The following TTC9 variants were observed in gnomAD, a reference collection of about 807,000 sequenced individuals.
TTC9 encodes the protein tetratricopeptide repeat domain 9.
TTC9 carries 13 observed loss-of-function variants against 22.9 expected under a neutral mutation model. The observed-to-expected ratio is 0.57, with a 90% CI of 0.37 to 0.90. TTC9 has a LOEUF of 0.90. Among genes scored for constraint, TTC9 ranks in the 40% least tolerant of loss-of-function variants. The pLI, the probability that TTC9 is intolerant of heterozygous loss-of-function variation, is 0.01. For synonymous variants in TTC9, 148 were observed against 133.2 expected (o/e 1.11, Z -0.77); for missense variants, 280 against 291.8 (o/e 0.96, Z 0.29).
At position 70,642,277 on chromosome 14, in the gene TTC9, C is replaced by T. The variant is rs1885825849; in HGVS notation, c.148C>T (p.Pro50Ser). 5 of 1,505,440 alleles carry T rather than the reference C, an allele frequency of 3.3e-6. No individual in the cohort carries two copies. Among genetic ancestry groups the T allele is most frequent in the East Asian group, 2.9e-5 (1 of 34,552 alleles). The allele number at this position is 1,505,440 out of a possible 1,614,324, so 93.3% of individuals were successfully genotyped here. A position where few individuals can be genotyped will look rare whatever the true frequency, so the allele number is the denominator to read the frequency against. ...ARGQVGAAAE[P>S]AELIRRAHEF... ...GGGCCAGGTCGGGGCGGCGGCCGAG[C>T]CGGCCGAGCTCATCCGACGAGCGCA... The change falls in exon 1 of 3, where the codon CCG becomes TCG. Residue 50 changes from proline (P) to serine (S), a missense_variant. Physicochemically the swap from Pro to Ser is moderately conservative, Grantham distance 74 (BLOSUM62 -1). Transcript: ENST00000256367.
At chr14:70,655,378 C>T (rs2139644315) in intron 1 of TTC9, among the ~76,000 whole-genome samples, 1 of 149,532 alleles carries the variant, frequency 6.7e-6, no homozygotes, top group South Asian at 2.1e-4. Context: ...GTCGCTTGGG[C>T]GACAGAGCGA....
chr14:70,652,356 TAC>T (rs1566696846), intron 1 of TTC9, among the ~76,000 whole-genome samples: 1 of 152,246 alleles, frequency 6.6e-6, no homozygotes, highest in African/African-American at 2.4e-5. Context: ...CCTTGGATGA[TAC>T]AGTCAGGCAC....
At chr14:70,652,871 TCCCATGAGTG>T (rs1306508494) in intron 1 of TTC9, among the ~76,000 whole-genome samples, 1 of 152,108 alleles carries the variant, frequency 6.6e-6, no homozygotes, top group African/African-American at 2.4e-5. Flanking sequence ...GAGGGGGGTA[TCCCATGAGTG>T]CCCATGAGGA....
intron 2 of TTC9, among the ~76,000 whole-genome samples, 165 bp downstream of exon 2, chr14:70,667,911 G>A (rs2139650994): frequency 6.6e-6 from 1 of 152,264 alleles, no homozygotes; most frequent in East Asian, 1.9e-4. Flanking sequence ...CACAGCCCAT[G>A]CATTTGCCTA....
chr14:70,659,531 C>A (rs1002832565), intron 1 of TTC9, among the ~76,000 whole-genome samples: 1 of 152,048 alleles, frequency 6.6e-6, no homozygotes, highest in East Asian at 1.9e-4. Context: ...AAAAAGCAGC[C>A]GCAGCAGGAG....
Position 70,673,173 on chromosome 14 carries a change from A to G in TTC9, c.*2018A>G, listed in dbSNP as rs1464020371. On this transcript the variant is annotated 3_prime_UTR_variant, in exon 3 of 3. Transcript: ENST00000256367. ...TATCTCAACAACTCACCTAGCATTC[A>G]TCACCCATCCCCAGCATTGGGAAAG... 1.3e-5 allele frequency: 2 copies of G among 152,214 alleles called. No homozygotes were observed. Among genetic ancestry groups the G allele is most frequent in the African/African-American group, 4.8e-5 (2 of 41,426 alleles). 9.4% of individuals were successfully genotyped at this position (152,214 alleles called of 1,614,324 possible).
At chr14:70,666,041 C>T (rs1446234481) in intron 1 of TTC9, among the ~76,000 whole-genome samples, 1 of 151,980 alleles carries the variant, frequency 6.6e-6, no homozygotes, top group African/African-American at 2.4e-5. Context: ...GTACTCCCTC[C>T]GAAGTATGCA....
At chr14:70,649,198 T>C (rs147093360) in intron 1 of TTC9, among the ~76,000 whole-genome samples, 1 of 152,284 alleles carries the variant, frequency 6.6e-6, no homozygotes, top group Non-Finnish European at 1.5e-5. Flanking sequence ...ACTATAATAA[T>C]AATGGTATCA....
intron 1 of TTC9, among the ~76,000 whole-genome samples, chr14:70,643,106 C>T (rs558556004): frequency 2.0e-5 from 3 of 152,336 alleles, no homozygotes; most frequent in South Asian, 4.1e-4. Flanking sequence ...ACTTTCTTCT[C>T]TCTGAGCTCT....
rs897099598 is a variant in TTC9, at chr14:70,672,373, C to T, written c.*1218C>T. The T allele has an allele frequency of 2.6e-5, 4 of 152,222 alleles. No homozygotes were observed. The highest frequency in any genetic ancestry group is 2.9e-5 in the Non-Finnish European group (2 of 68,054). 9.4% of individuals were successfully genotyped at this position (152,222 alleles called of 1,614,324 possible). On this transcript the variant is annotated 3_prime_UTR_variant, in exon 3 of 3. Transcript: ENST00000256367. Reference sequence around the variant, plus strand: ...CTCCTGCCTTAAACTAATTTCATCCCAGCCTAGTCTCCTGATGTCTGTGCT... The same window carrying T: ...CTCCTGCCTTAAACTAATTTCATCCTAGCCTAGTCTCCTGATGTCTGTGCT...
chr14:70,647,196 A>G lies in TTC9; in HGVS notation c.406+4661A>G, dbSNP rs560035653. Among the ~76,000 whole-genome samples the G allele has an allele frequency of 1.2e-4, 19 of 152,326 alleles. No homozygotes were observed. The South Asian group carries it at 1.7e-3, about 13-fold the overall frequency. Reference sequence around the variant, plus strand: ...TATGAGGAATTATAAAAATTATACAATTTATACTTCTGTAGCTCATACATG... The same window carrying G: ...TATGAGGAATTATAAAAATTATACAGTTTATACTTCTGTAGCTCATACATG... On this transcript the variant is annotated intron_variant, in intron 1 of 2. Transcript: ENST00000256367.
rs1315922117 is a variant in TTC9, at chr14:70,672,437, C to CACTT, written c.*1286_*1289dup. 6.6e-6 allele frequency: 1 copy of CACTT among 152,210 alleles called. No individual in the cohort carries two copies. The highest frequency in any genetic ancestry group is 1.5e-5 in the Non-Finnish European group (1 of 68,036). 9.4% of individuals were successfully genotyped at this position (152,210 alleles called of 1,614,324 possible). A position where few individuals can be genotyped will look rare whatever the true frequency, so the allele number is the denominator to read the frequency against. On this transcript the variant is annotated 3_prime_UTR_variant, in exon 3 of 3. Transcript: ENST00000256367. ...CATGTTGCTTCAGTCAAACAAGAAA[C>CACTT]ACTTACTGAGGGCATATTGTTTGCC... is the stretch of plus-strand genomic sequence containing the variant.
chr14:70,646,738 A>G (rs1195992669), intron 1 of TTC9, among the ~76,000 whole-genome samples: 2 of 152,166 alleles, frequency 1.3e-5, no homozygotes, highest in African/African-American at 4.8e-5. Flanking sequence ...ATCTTACCAA[A>G]GGGGCAGCTA....
intron 1 of TTC9, among the ~76,000 whole-genome samples, chr14:70,667,137 G>A (rs73287933): frequency 0.029 from 4,401 of 152,184 alleles, 198 homozygotes; most frequent in African/African-American, 0.1. Context: ...TTATCATGTC[G>A]TCTTTCCTCT....
intron 1 of TTC9, among the ~76,000 whole-genome samples, chr14:70,647,566 G>C (rs1566694956): frequency 6.6e-6 from 1 of 152,162 alleles, no homozygotes; most frequent in Non-Finnish European, 1.5e-5. Context: ...TTTGGGACTG[G>C]CAGCATATTC....
intron 2 of TTC9, among the ~76,000 whole-genome samples, chr14:70,669,138 A>G (rs1392522701): frequency 6.6e-6 from 1 of 152,168 alleles, no homozygotes. Context: ...CCTGGGTGAC[A>G]GAGCGAGACT....
At chr14:70,643,390 C>A (rs1243886527) in intron 1 of TTC9, among the ~76,000 whole-genome samples, 1 of 152,138 alleles carries the variant, frequency 6.6e-6, no homozygotes, top group African/African-American at 2.4e-5. Flanking sequence ...TATTTAAAGT[C>A]TCTTAAAAAA....
chr14:70,645,705 G>A (rs981848038), intron 1 of TTC9, among the ~76,000 whole-genome samples: 5 of 152,328 alleles, frequency 3.3e-5, no homozygotes, highest in Admixed American at 6.5e-5. Flanking sequence ...CTGGAAGAAA[G>A]GCCACTGACC....
chr14:70,669,411 C>G (rs936681258), intron 2 of TTC9, among the ~76,000 whole-genome samples: 1 of 151,976 alleles, frequency 6.6e-6, no homozygotes, highest in Non-Finnish European at 1.5e-5. Context: ...TCCCCAGTAG[C>G]TTGGACTACA....
Sources: allele counts gnomAD v4.1 joint callset (sites outside exome capture counted in the v4.1 genomes callset), GRCh38; gene constraint gnomAD v4.1.1; transcripts MANE v1.5; gene names NCBI Gene and HGNC (gene_info 2026-07-23, HGNC 2026-07-21).